The following KIF26B variants were observed in gnomAD, a reference collection of about 807,000 sequenced individuals.
The protein encoded by KIF26B is kinesin family member 26B.
KIF26B carries 63 observed loss-of-function variants against 151.2 expected under a neutral mutation model. The ratio of observed to expected loss-of-function variants is 0.42; its 90% CI spans 0.34 to 0.51. The LOEUF (loss-of-function observed/expected upper bound fraction) is 0.51. Among genes scored for constraint, KIF26B ranks in the 20% least tolerant of loss-of-function variants. KIF26B has a pLI of 0.07. For synonymous variants in KIF26B, 1,357 were observed against 1,262.1 expected, an observed-to-expected ratio of 1.08 and a Z score of -1.59; for missense variants, 2,813 against 2,913.6, an observed-to-expected ratio of 0.97 and a Z score of 0.79.
chr1:245,568,064 G>C (rs1341076120), intron 5 of KIF26B, among the ~76,000 whole-genome samples: 2 of 151,830 alleles, frequency 1.3e-5, no homozygotes, highest in African/African-American at 4.8e-5. Flanking sequence ...AGCTACTCAG[G>C]AGGCTGAGGC....
chr1:245,457,543 A>G (rs1042392356), intron 4 of KIF26B, among the ~76,000 whole-genome samples: 10 of 152,240 alleles, frequency 6.6e-5, no homozygotes, highest in African/African-American at 2.4e-4. Context: ...GAAATAAAAC[A>G]TGACAGAACA....
In KIF26B at chr1:245,665,431, A is replaced by C. The variant is rs569297519; in HGVS notation, c.2259-18802A>C. On this transcript the variant is annotated intron_variant, in intron 10 of 14. Transcript: ENST00000407071. ...AATTTCCTATCATTTCATTATTTCA[A>C]GTGTCAAATATTTCTCAAATCCAAC... Among the ~76,000 whole-genome samples the C allele has an allele frequency of 3.3e-5, 5 of 152,230 alleles. No homozygotes were observed. In the South Asian group the frequency reaches 1.0e-3, roughly 32 times the overall value.
intron 2 of KIF26B, among the ~76,000 whole-genome samples, chr1:245,233,233 T>C (rs1670033495): frequency 1.3e-5 from 2 of 152,248 alleles, no homozygotes; most frequent in Non-Finnish European, 2.9e-5. Flanking sequence ...TGAATGATTC[T>C]GTAGAATTTG....
chr1:245,619,869 C>T (rs988059253), intron 9 of KIF26B, among the ~76,000 whole-genome samples: 10 of 152,128 alleles, frequency 6.6e-5, no homozygotes, highest in East Asian at 3.9e-4. Context: ...GCTGAGATCA[C>T]GCCACTGCAC....
chr1:245,498,350 TAGA>T (rs1660552247), intron 4 of KIF26B, among the ~76,000 whole-genome samples: 1 of 152,188 alleles, frequency 6.6e-6, no homozygotes, highest in Non-Finnish European at 1.5e-5. Context: ...TGTGTTTAAT[TAGA>T]AGCTAGTGGA....
intron 10 of KIF26B, among the ~76,000 whole-genome samples, chr1:245,649,762 T>C (rs1572178531): frequency 6.6e-6 from 1 of 151,518 alleles, no homozygotes; most frequent in Non-Finnish European, 1.5e-5. Context: ...CCTGCATTAC[T>C]TGTGCTTGCT....
intron 2 of KIF26B, among the ~76,000 whole-genome samples, chr1:245,171,152 C>T (rs7532250): frequency 1.7e-4 from 26 of 152,246 alleles, no homozygotes; most frequent in African/African-American, 6.0e-4. Flanking sequence ...GCTGGTTCTC[C>T]CAAAGAGAAA....
chr1:245,328,253 G>T (rs538539590), intron 2 of KIF26B, among the ~76,000 whole-genome samples: 3 of 150,686 alleles, frequency 2.0e-5, no homozygotes, highest in South Asian at 4.2e-4. Flanking sequence ...TTGCAGGGGG[G>T]AGGGGGGTCC....
chr1:245,575,988 C>T (rs1208787084), intron 5 of KIF26B, among the ~76,000 whole-genome samples: 2 of 152,148 alleles, frequency 1.3e-5, no homozygotes, highest in African/African-American at 4.8e-5. Flanking sequence ...CTCCCACCCA[C>T]CATGCCTGCA....
chr1:245,323,915 A>T (rs573707415), intron 2 of KIF26B, among the ~76,000 whole-genome samples: 32 of 106,674 alleles, frequency 3.0e-4, no homozygotes, highest in African/African-American at 8.4e-4. Flanking sequence ...CCATGGGTGG[A>T]TGGAGGTGGA....
intron 3 of KIF26B, among the ~76,000 whole-genome samples, chr1:245,400,900 T>G (rs683981): frequency 0.7 from 106,266 of 151,830 alleles, 37,706 homozygotes; most frequent in African/African-American, 0.82. Flanking sequence ...AGAAAATACA[T>G]AAAAAAAGAC....
Position 245,289,193 on chromosome 1 carries a change from C to A in KIF26B, c.466-77641C>A, listed in dbSNP as rs547811634. Among the ~76,000 whole-genome samples, 31 of 152,256 alleles carry A rather than the reference C, an allele frequency of 2.0e-4. 1 individual carries two copies. The highest frequency in any genetic ancestry group is 7.5e-4 in the African/African-American group (31 of 41,544). On this transcript the variant is annotated intron_variant, in intron 2 of 14. Coordinates refer to ENST00000407071, the MANE Select transcript of KIF26B (RefSeq NM_018012.4). ...CTGATTGATCAACTCAGACAACACT[C>A]TTTATAAAGTATAATGAAATTAGAA...
rs183011209 is a variant in KIF26B at position 245,696,309 on chromosome 1, G to A, written c.5825-1797G>A. Reference sequence around the variant, plus strand: ...AAATAGTCCTGTGTAGGAGAGGCCTGCATGGCAATGAACTAAAGCCTCCTG... The same window carrying A: ...AAATAGTCCTGTGTAGGAGAGGCCTACATGGCAATGAACTAAAGCCTCCTG... On this transcript the variant is annotated intron_variant, in intron 12 of 14. Transcript: ENST00000407071. Among the ~76,000 whole-genome samples the A allele has an allele frequency of 1.7e-4, 26 of 152,362 alleles. No individual in the cohort carries two copies. The East Asian group carries it at 3.7e-3, about 21-fold the overall frequency.
chr1:245,687,684 C>G lies in KIF26B; in HGVS notation c.4701C>G (p.Ala1567=). ...CAAETNGVGA[A]SGTPPSKATL... ...CTGAGACCAACGGGGTGGGTGCAGCCTCGGGCACCCCGCCCTCCAAGGCTA... is the reference window on the plus strand; with the variant it reads ...CTGAGACCAACGGGGTGGGTGCAGCGTCGGGCACCCCGCCCTCCAAGGCTA... Residue 1567 remains alanine (A), a synonymous_variant, in exon 12 of 15, where the codon GCC becomes GCG. Transcript: ENST00000407071. The surrounding 1 kb of genome is among the most constrained non-coding windows in gnomAD (Gnocchi z 4.9). 6.3e-7 allele frequency: 1 copy of G among 1,580,660 alleles called. No homozygotes were observed. Among genetic ancestry groups the G allele is most frequent in the Non-Finnish European group, 8.6e-7 (1 of 1,163,688 alleles).
At chr1:245,287,990 A>AG (rs1558376330) in intron 2 of KIF26B, among the ~76,000 whole-genome samples, 3 of 151,820 alleles carry the variant, frequency 2.0e-5, no homozygotes, top group Non-Finnish European at 1.5e-5. Flanking sequence ...AAAAAAAAAA[A>AG]GAACAGAAAA....
chr1:245,686,806 C>A lies in KIF26B; in HGVS notation c.3823C>A (p.Arg1275Ser), dbSNP rs199597747. Residue 1275 changes from arginine (R) to serine (S), a missense_variant, in exon 12 of 15, where the codon CGC becomes AGC. Arg to Ser is a moderately radical substitution (Grantham distance 110). This residue lies in a region of KIF26B where 2,060 missense variants were observed against 2,088.6 expected (regional missense o/e 0.99). Transcript: ENST00000407071. The surrounding 1 kb of genome is among the most constrained non-coding windows in gnomAD (Gnocchi z 5.6). ...GAAGGCCCAGGACGCAGGGAGCAGA[C>A]GCTCTTCCATCAGCTCCTGGCTGAG... ...DEKAQDAGSR[R>S]SSISSWLSEM... is the part of the protein sequence containing the mutation. The A allele has an allele frequency of 1.2e-6, 2 of 1,613,408 alleles. No individual in the cohort carries two copies. The highest frequency in any genetic ancestry group is 1.7e-6 in the Non-Finnish European group (2 of 1,179,826).
chr1:245,356,185 G>T (rs1291727413), intron 2 of KIF26B, among the ~76,000 whole-genome samples: 1 of 152,104 alleles, frequency 6.6e-6, no homozygotes, highest in South Asian at 2.1e-4. Flanking sequence ...GTACTCCCAG[G>T]ACACTAAAGT....
In KIF26B at chr1:245,488,357, C is replaced by T. The variant is rs571230846; in HGVS notation, c.1167-52410C>T. On this transcript the variant is annotated intron_variant, in intron 4 of 14. Transcript: ENST00000407071. This position sits in a 1 kb window ranked among gnomAD's most constrained non-coding sequence, Gnocchi z 4.6. ...AACAACTTTGTACCCACCTGACATT[C>T]GGCCAGAATTTTTCCAACAGAACCT... Among the ~76,000 whole-genome samples, 19 of 152,154 alleles carry T rather than the reference C, an allele frequency of 1.2e-4. No homozygotes were observed. In the South Asian group the frequency reaches 3.5e-3, roughly 28 times the overall value.
At chr1:245,232,925 CCA>C (rs1453938055) in intron 2 of KIF26B, among the ~76,000 whole-genome samples, 1 of 152,142 alleles carries the variant, frequency 6.6e-6, no homozygotes, top group East Asian at 1.9e-4. Context: ...TCACTGAGCC[CCA>C]GTGAAGCCTC....
Sources: allele counts gnomAD v4.1 joint callset (sites outside exome capture counted in the v4.1 genomes callset), GRCh38; gene constraint gnomAD v4.1.1; regional missense constraint gnomAD v4.1.1; non-coding constraint Gnocchi (gnomAD v3.1); transcripts MANE v1.5; gene names NCBI Gene and HGNC (gene_info 2026-07-23, HGNC 2026-07-21).